The following SLC25A31 variants were observed in gnomAD, a reference collection of about 807,000 sequenced individuals.
SLC25A31 encodes ADP/ATP translocase 4.
SLC25A31 carries 40 observed loss-of-function variants against 36.2 expected under a neutral mutation model. That is an observed-to-expected ratio of 1.10 (90% CI 0.86 to 1.44). SLC25A31 has a LOEUF of 1.44. Among genes scored for constraint, SLC25A31 ranks in the 40% most tolerant of loss-of-function variants. SLC25A31 has a pLI of 0.00. For missense variants in SLC25A31, 350 were observed against 397.1 expected (o/e 0.88, Z 1.01); for synonymous variants, 143 against 149.7 (o/e 0.96, Z 0.32).
chr4:127,749,275 G>C (rs917493250), intron 2 of SLC25A31, among the ~76,000 whole-genome samples: 1 of 152,114 alleles, frequency 6.6e-6, no homozygotes, highest in African/African-American at 2.4e-5. Flanking sequence ...GAACCTATGA[G>C]ACACCATCAA....
chr4:127,751,386 T>C (rs1209248230), intron 2 of SLC25A31, among the ~76,000 whole-genome samples: 1 of 152,230 alleles, frequency 6.6e-6, no homozygotes, highest in East Asian at 1.9e-4. Context: ...AAGCTGAAAC[T>C]GGATCCCTTC....
At chr4:127,734,711 GT>G (rs555105442) in intron 1 of SLC25A31, among the ~76,000 whole-genome samples, 29 of 151,978 alleles carry the variant, frequency 1.9e-4, no homozygotes, top group Non-Finnish European at 3.8e-4. Context: ...GAACAGTGAG[GT>G]TTTTTAATAT....
In SLC25A31 at chr4:127,744,889, A is replaced by G. The variant is rs964445655; in HGVS notation, c.360+90A>G. ...CCATCCAATGTAAATATATTTCACT[A>G]TCTCTAAAATTTTCTTTAAAATGGT... On this transcript the variant is annotated intron_variant, in intron 2 of 5. Transcript: ENST00000281154. 25 of 1,009,478 alleles carry G rather than the reference A, an allele frequency of 2.5e-5. No individual in the cohort carries two copies. In the East Asian group the frequency reaches 4.3e-4, roughly 17 times the overall value. The allele number at this position is 1,009,478 out of a possible 1,614,324, so 62.5% of individuals were successfully genotyped here.
At chr4:127,765,749 G>A (rs1732228910) in intron 3 of SLC25A31, among the ~76,000 whole-genome samples, 1 of 152,182 alleles carries the variant, frequency 6.6e-6, no homozygotes, top group African/African-American at 2.4e-5. Flanking sequence ...TTAGAAGAGA[G>A]TGATAGCAGT....
chr4:127,760,045 TGTTGA>T (rs1732098959), intron 2 of SLC25A31, among the ~76,000 whole-genome samples: 1 of 152,172 alleles, frequency 6.6e-6, no homozygotes, highest in Non-Finnish European at 1.5e-5. Context: ...CTCATGGAAC[TGTTGA>T]CCAATTTGAA....
intron 1 of SLC25A31, 55 bp from the exon 2 acceptor site, chr4:127,744,617 G>A: frequency 6.9e-7 from 1 of 1,450,156 alleles, no homozygotes; most frequent in Non-Finnish European, 9.2e-7. Flanking sequence ...TAAAACTATG[G>A]CAATTGTTTA....
At chr4:127,743,147 T>G (rs1372878954) in intron 1 of SLC25A31, among the ~76,000 whole-genome samples, 3 of 150,036 alleles carry the variant, frequency 2.0e-5, no homozygotes, top group East Asian at 1.9e-4. Flanking sequence ...TTTTTTTTTT[T>G]GAAGACAGGT....
intron 1 of SLC25A31, among the ~76,000 whole-genome samples, chr4:127,732,259 C>T (rs151249143): frequency 3.7e-4 from 56 of 152,308 alleles, no homozygotes; most frequent in African/African-American, 1.3e-3. Flanking sequence ...TTTAAAAAAG[C>T]ACCTTGTACC....
Position 127,765,102 on chromosome 4 carries a change from G to T in SLC25A31, c.478+742G>T, listed in dbSNP as rs564133136. Among the ~76,000 whole-genome samples the T allele has an allele frequency of 4.6e-5, 7 of 152,122 alleles. No individual in the cohort carries two copies. The East Asian group carries it at 1.3e-3, about 29-fold the overall frequency. ...GTCTTTTTTCAGTGTTTGAGTGATT[G>T]CAGCGGTCACACAACTGGCCCCGTT... On this transcript the variant is annotated intron_variant, in intron 3 of 5. Transcript: ENST00000281154.
chr4:127,749,140 A>AAGACACAC (rs1731876600), intron 2 of SLC25A31, among the ~76,000 whole-genome samples: 1 of 152,086 alleles, frequency 6.6e-6, no homozygotes, highest in Admixed American at 6.5e-5. Flanking sequence ...AGAACTGAAA[A>AAGACACAC]AGCTCAGTAG....
At chr4:127,765,678 T>G (rs1210330037) in intron 3 of SLC25A31, among the ~76,000 whole-genome samples, 2 of 151,988 alleles carry the variant, frequency 1.3e-5, no homozygotes, top group Non-Finnish European at 2.9e-5. Flanking sequence ...ACACAAGTAA[T>G]AATAAATGAA....
intron 1 of SLC25A31, among the ~76,000 whole-genome samples, chr4:127,738,481 T>C (rs1731673929): frequency 6.6e-6 from 1 of 152,228 alleles, no homozygotes; most frequent in Admixed American, 6.5e-5. Context: ...GTATGGTTGA[T>C]ATAATTTCTA....
At chr4:127,738,261 T>G (rs1445097261) in intron 1 of SLC25A31, among the ~76,000 whole-genome samples, 2 of 151,970 alleles carry the variant, frequency 1.3e-5, no homozygotes. Context: ...CAGCTAATTT[T>G]TTGTATTTCA....
At chr4:127,741,641 C>T (rs4435753) in intron 1 of SLC25A31, among the ~76,000 whole-genome samples, 92,292 of 151,896 alleles carry the variant, frequency 0.61, 28,459 homozygotes, top group Middle Eastern at 0.78. Flanking sequence ...AGGATTTTTG[C>T]ATGTTTGTTC....
chr4:127,752,119 C>T (rs1338768550), intron 2 of SLC25A31, among the ~76,000 whole-genome samples: 7 of 152,142 alleles, frequency 4.6e-5, no homozygotes, highest in South Asian at 2.1e-4. Context: ...CACATGCATA[C>T]GTATGTTTAT....
chr4:127,757,750 T>TC (rs1444427852), intron 2 of SLC25A31, among the ~76,000 whole-genome samples: 2 of 152,358 alleles, frequency 1.3e-5, no homozygotes, highest in South Asian at 4.2e-4. Context: ...CCACCAACAA[T>TC]GTATAAGCAT....
chr4:127,740,879 G>A (rs1578657243), intron 1 of SLC25A31, among the ~76,000 whole-genome samples: 1 of 152,202 alleles, frequency 6.6e-6, no homozygotes, highest in Non-Finnish European at 1.5e-5. Context: ...GGCTCAGGCT[G>A]CTCATCTAGG....
At chr4:127,749,189 A>G (rs1731878125) in intron 2 of SLC25A31, among the ~76,000 whole-genome samples, 2 of 152,192 alleles carry the variant, frequency 1.3e-5, no homozygotes, top group African/African-American at 2.4e-5. Flanking sequence ...AGATGAAAGT[A>G]TCAGCAAACT....
At chr4:127,740,344 C>T (rs1731709979) in intron 1 of SLC25A31, among the ~76,000 whole-genome samples, 1 of 152,034 alleles carries the variant, frequency 6.6e-6, no homozygotes, top group African/African-American at 2.4e-5. Flanking sequence ...TGCTCTATAA[C>T]CCTTGGGGGT....
Sources: gnomAD v4.1 joint callset for allele counts (sites outside exome capture counted in the v4.1 genomes callset) on GRCh38, gnomAD v4.1.1 for gene constraint, MANE v1.5 for transcripts, NCBI Gene and HGNC (gene_info 2026-07-23, HGNC 2026-07-21) for gene names.